IPO11: variants seen among roughly 807,000 people sequenced by gnomAD.
The protein encoded by IPO11 is importin-11.
A neutral mutation model predicts 143.2 loss-of-function variants in IPO11; 66 were observed. That is an observed-to-expected ratio of 0.46 (90% CI 0.38 to 0.57). IPO11 has a LOEUF of 0.57. IPO11 is among the 20% of genes least tolerant of loss of function. The probability of loss-of-function intolerance (pLI) is 0.00; values close to 1 mark genes in which losing one functional copy is unlikely to be tolerated. For missense variants in IPO11, 1,026 were observed against 1,141.0 expected, an observed-to-expected ratio of 0.90 and a Z score of 1.45; for synonymous variants, 385 against 377.8, an observed-to-expected ratio of 1.02 and a Z score of -0.22.
intron 24 of IPO11, among the ~76,000 whole-genome samples, chr5:62,542,736 GGA>G (rs2112333628): frequency 6.6e-6 from 1 of 152,094 alleles, no homozygotes; most frequent in East Asian, 1.9e-4. Flanking sequence ...GTTATCTAGA[GGA>G]ATGTAATTAT....
intron 3 of IPO11, 39 bp downstream of exon 3, chr5:62,443,122 C>A (rs1744557720): frequency 1.5e-6 from 2 of 1,311,270 alleles, no homozygotes; most frequent in Non-Finnish European, 2.2e-6. Context: ...GAGTATAATC[C>A]TTCCCAAATT....
chr5:62,606,966 C>T (rs954723581), intron 29 of IPO11, among the ~76,000 whole-genome samples: 1 of 152,152 alleles, frequency 6.6e-6, no homozygotes, highest in Admixed American at 6.5e-5. Context: ...ATAACAAATC[C>T]TGAGCATGGC....
intron 27 of IPO11, among the ~76,000 whole-genome samples, chr5:62,581,938 G>A (rs1432675493): frequency 6.6e-6 from 1 of 152,168 alleles, no homozygotes; most frequent in Non-Finnish European, 1.5e-5. Flanking sequence ...TTAGCCCAGT[G>A]AAGAGAGCTG....
chr5:62,457,428 G>A (rs1020344367), intron 5 of IPO11, among the ~76,000 whole-genome samples: 6 of 152,140 alleles, frequency 3.9e-5, no homozygotes, highest in African/African-American at 1.4e-4. Context: ...AGGCTGTAGT[G>A]ATATATGATT....
intron 29 of IPO11, among the ~76,000 whole-genome samples, chr5:62,612,202 C>G (rs144496693): frequency 8.7e-4 from 132 of 152,166 alleles, no homozygotes; most frequent in African/African-American, 3.1e-3. Context: ...ATTCAGTGAA[C>G]CAGTATTTTC....
intron 20 of IPO11, among the ~76,000 whole-genome samples, chr5:62,518,183 C>T (rs1026555017): frequency 7.3e-5 from 11 of 150,490 alleles, no homozygotes; most frequent in East Asian, 5.8e-4. Context: ...CAGTGACTCA[C>T]GCCTGTAATC....
Position 62,451,880 on chromosome 5 carries a change from A to T in IPO11, c.463A>T (p.Thr155Ser), listed in dbSNP as rs780684037. Residue 155 changes from threonine to serine, a missense_variant, in exon 5 of 30, where the codon ACC becomes TCC. Physicochemically the swap from Thr to Ser is moderately conservative, Grantham distance 58. Transcript: ENST00000325324. ...AGCATTACTTACCTTCTATCATGTTACCAAGACACTGGCATCTAAACGACT... is the reference window on the plus strand; with the variant it reads ...AGCATTACTTACCTTCTATCATGTTTCCAAGACACTGGCATCTAAACGACT... Reference protein sequence around the residue: ...HRALLTFYHVTKTLASKRLAA... With the variant: ...HRALLTFYHVSKTLASKRLAA... The T allele has an allele frequency of 9.9e-5, 159 of 1,613,998 alleles. No homozygotes were observed. Among genetic ancestry groups the T allele is most frequent in the Non-Finnish European group, 1.3e-4 (152 of 1,179,948 alleles).
At chr5:62,626,381 G>A (rs574374165) in intron 29 of IPO11, among the ~76,000 whole-genome samples, 1 of 152,104 alleles carries the variant, frequency 6.6e-6, no homozygotes, top group Middle Eastern at 3.4e-3. Context: ...AACCAACATC[G>A]GTGCATTATT....
chr5:62,477,296 GA>G, intron 9 of IPO11, among the ~76,000 whole-genome samples: 1 of 152,196 alleles, frequency 6.6e-6, no homozygotes, highest in East Asian at 1.9e-4. Context: ...ACAGCAGTTA[GA>G]AAGACCTAGC....
At chr5:62,443,406 T>C (rs971437314) in intron 3 of IPO11, 3 of 188,010 alleles carry the variant, frequency 1.6e-5, no homozygotes, top group African/African-American at 2.4e-5. Flanking sequence ...TGTGTGTGTG[T>C]GTGTGTGTGT....
chr5:62,545,929 A>G (rs1424259290), intron 24 of IPO11, among the ~76,000 whole-genome samples: 4 of 152,236 alleles, frequency 2.6e-5, no homozygotes, highest in African/African-American at 9.6e-5. Flanking sequence ...AATGGCAACC[A>G]TTAAAAAGTC....
chr5:62,544,490 T>C (rs934503993), intron 24 of IPO11, among the ~76,000 whole-genome samples: 2 of 152,094 alleles, frequency 1.3e-5, no homozygotes, highest in Non-Finnish European at 2.9e-5. Context: ...CCACAGCCAA[T>C]ATCATACTGA....
At chr5:62,502,898 C>T (rs1265992104) in intron 16 of IPO11, among the ~76,000 whole-genome samples, 2 of 152,096 alleles carry the variant, frequency 1.3e-5, no homozygotes, top group Non-Finnish European at 2.9e-5. Flanking sequence ...AATCAGCTTA[C>T]TGCAACCCTC....
chr5:62,571,931 C>T (rs536181449), intron 27 of IPO11, among the ~76,000 whole-genome samples: 2 of 152,276 alleles, frequency 1.3e-5, no homozygotes, highest in East Asian at 3.9e-4. Flanking sequence ...GGTGATCCAC[C>T]CACCTCGGCC....
intron 29 of IPO11, among the ~76,000 whole-genome samples, chr5:62,616,504 C>T (rs543233184): frequency 9.2e-5 from 14 of 151,970 alleles, no homozygotes; most frequent in African/African-American, 2.2e-4. Context: ...GAGGTCGAGG[C>T]GGGTGGATCA....
chr5:62,496,811 CTT>C (rs1335766103), intron 16 of IPO11, among the ~76,000 whole-genome samples: 3 of 152,150 alleles, frequency 2.0e-5, no homozygotes, highest in African/African-American at 7.2e-5. Flanking sequence ...CTGAGGAAAA[CTT>C]AACAATATTT....
At chr5:62,495,645 G>T (rs26623) in intron 16 of IPO11, among the ~76,000 whole-genome samples, 1 of 151,762 alleles carries the variant, frequency 6.6e-6, no homozygotes, top group African/African-American at 2.4e-5. Context: ...TGATTTTTCT[G>T]TTTTTTGTAG....
At chr5:62,441,496 CTTTTTTTTTTTT>C (rs995019567) in intron 2 of IPO11, among the ~76,000 whole-genome samples, 1 of 47,378 alleles carries the variant, frequency 2.1e-5, no homozygotes, top group Non-Finnish European at 3.6e-5. Context: ...TGTGCCTGGC[CTTTTTTTTTTTT>C]TTTTTTTTTT....
At chr5:62,591,750 ACT>A (rs771643818) in intron 28 of IPO11, 78 bp downstream of exon 28, 3 of 879,664 alleles carry the variant, frequency 3.4e-6, no homozygotes, top group Non-Finnish European at 5.4e-6. Flanking sequence ...TTTCACCATC[ACT>A]CTATAAGCAC....
Sources: gnomAD v4.1 joint callset for allele counts (sites outside exome capture counted in the v4.1 genomes callset) on GRCh38, gnomAD v4.1.1 for gene constraint, MANE v1.5 for transcripts, NCBI Gene and HGNC (gene_info 2026-07-23, HGNC 2026-07-21) for gene names.